The following RNF216 variants were observed in gnomAD, a reference collection of about 807,000 sequenced individuals.
The protein encoded by RNF216 is E3 ubiquitin-protein ligase RNF216.
RNF216 carries 72 observed loss-of-function variants against 110.8 expected under a neutral mutation model. The observed-to-expected ratio is 0.65, with a 90% confidence interval of 0.54 to 0.79. The LOEUF is 0.79. Among genes scored for constraint, RNF216 ranks in the 30% least tolerant of loss-of-function variants. The probability of loss-of-function intolerance (pLI) is 0.00; values close to 1 mark genes in which losing one functional copy is unlikely to be tolerated. For missense variants in RNF216, 1,342 were observed against 1,141.2 expected (o/e 1.18, Z -2.54); for synonymous variants, 495 against 407.5 (o/e 1.21, Z -2.59).
In RNF216 at chr7:5,680,983, C is replaced by A. The variant is rs1311312941; in HGVS notation, c.2062-28473G>T. Among the ~76,000 whole-genome samples the A allele has an allele frequency of 1.3e-5, 2 of 152,192 alleles. No individual in the cohort carries two copies. Among genetic ancestry groups the A allele is most frequent in the Non-Finnish European group, 2.9e-5 (2 of 68,026 alleles). The stretch of plus-strand genomic sequence containing the variant: ...GGGCCATGGCGGAGAGCCTGGACTT[C>A]AGGCCATCCCACCCCTCACTCCCTC... On this transcript the variant is annotated intron_variant, in intron 13 of 16. Coordinates refer to ENST00000389902, the MANE Select transcript of RNF216 (RefSeq NM_207111.4). This position sits in a 1 kb window ranked among gnomAD's most constrained non-coding sequence, Gnocchi z 4.3.
Position 5,624,174 on chromosome 7 carries a change from T to C in RNF216, c.2383-49A>G. 2 of 1,519,778 alleles carry C rather than the reference T, an allele frequency of 1.3e-6. No individual in the cohort carries two copies. The highest frequency in any genetic ancestry group is 1.8e-6 in the Non-Finnish European group (2 of 1,102,916). 94.1% of individuals were successfully genotyped at this position (1,519,778 alleles called of 1,614,324 possible). ...ATGAACCTGTAGCTTCATGCAGTGCTGAGGCCCCGTGGGACAGTGAGGAGG... is the reference window on the plus strand; with the variant it reads ...ATGAACCTGTAGCTTCATGCAGTGCCGAGGCCCCGTGGGACAGTGAGGAGG... On this transcript the variant is annotated intron_variant, in intron 15 of 16. Transcript: ENST00000389902. This position sits in a 1 kb window ranked among gnomAD's most constrained non-coding sequence, Gnocchi z 4.4.
chr7:5,722,864 C>T (rs550945064), intron 8 of RNF216, among the ~76,000 whole-genome samples: 666 of 151,896 alleles, frequency 4.4e-3, no homozygotes, highest in Non-Finnish European at 7.4e-3. Context: ...GGCATGATGG[C>T]GCACACCTGT....
intron 1 of RNF216, among the ~76,000 whole-genome samples, chr7:5,773,749 G>T (rs2128682691): frequency 6.6e-6 from 1 of 152,146 alleles, no homozygotes; most frequent in Non-Finnish European, 1.5e-5. Context: ...TGTATTTTTA[G>T]TAGAGAAGTG....
At chr7:5,675,706 T>C (rs1790239510) in intron 13 of RNF216, among the ~76,000 whole-genome samples, 1 of 147,790 alleles carries the variant, frequency 6.8e-6, no homozygotes, top group Admixed American at 6.6e-5. Context: ...GCTAACTCTA[T>C]TCAAATTCTT....
intron 8 of RNF216, among the ~76,000 whole-genome samples, chr7:5,723,033 C>T (rs576428558): frequency 3.9e-5 from 6 of 152,266 alleles, no homozygotes; most frequent in African/African-American, 1.2e-4. Context: ...AGCTTTGAAG[C>T]CAGATTCCCA....
chr7:5,764,095 G>A (rs28590038), intron 1 of RNF216, among the ~76,000 whole-genome samples: 9,283 of 152,004 alleles, frequency 0.061, 948 homozygotes, highest in African/African-American at 0.21. Context: ...GGAGGCTGAG[G>A]CAGGAGAATT....
At chr7:5,652,199 G>GC (rs1240821286) in intron 14 of RNF216, among the ~76,000 whole-genome samples, 1 of 152,138 alleles carries the variant, frequency 6.6e-6, no homozygotes, top group African/African-American at 2.4e-5. Flanking sequence ...CAGGTGCCAG[G>GC]CATTTATATG....
chr7:5,744,402 C>G (rs1016978007), intron 3 of RNF216, among the ~76,000 whole-genome samples: 3 of 151,926 alleles, frequency 2.0e-5, no homozygotes, highest in African/African-American at 7.3e-5. Context: ...AAACACATAA[C>G]TGGAGTTGTA....
intron 7 of RNF216, among the ~76,000 whole-genome samples, chr7:5,727,441 G>A (rs2128641320): frequency 6.6e-6 from 1 of 152,290 alleles, no homozygotes; most frequent in East Asian, 1.9e-4. Flanking sequence ...ACTCTTAGCA[G>A]CATTTAATAA....
At chr7:5,749,297 C>T (rs1158967255) in intron 3 of RNF216, among the ~76,000 whole-genome samples, 3 of 151,924 alleles carry the variant, frequency 2.0e-5, no homozygotes, top group East Asian at 1.9e-4. Flanking sequence ...ATTACAGGCA[C>T]GTGCCACCAT....
chr7:5,633,168 G>A (rs577944506), intron 15 of RNF216, among the ~76,000 whole-genome samples: 5 of 151,942 alleles, frequency 3.3e-5, no homozygotes, highest in Admixed American at 1.3e-4. Context: ...TAGTAGAGAC[G>A]GGGTTTCACC....
At chr7:5,632,186 G>T (rs1007406681) in intron 15 of RNF216, among the ~76,000 whole-genome samples, 1 of 152,210 alleles carries the variant, frequency 6.6e-6, no homozygotes, top group Non-Finnish European at 1.5e-5. Flanking sequence ...CATGCCATTT[G>T]CCCTGGCCAG....
intron 13 of RNF216, among the ~76,000 whole-genome samples, chr7:5,699,369 C>G (rs1212090529): frequency 2.0e-5 from 3 of 152,222 alleles, no homozygotes; most frequent in Non-Finnish European, 4.4e-5. Flanking sequence ...CTGTCACTTA[C>G]TAGCTGTGTG....
chr7:5,698,908 C>A (rs1791798957), intron 13 of RNF216, among the ~76,000 whole-genome samples: 1 of 152,150 alleles, frequency 6.6e-6, no homozygotes, highest in Non-Finnish European at 1.5e-5. Context: ...ACTGAACAAG[C>A]CACAAAACAG....
intron 13 of RNF216, among the ~76,000 whole-genome samples, chr7:5,675,174 G>T (rs1292181693): frequency 2.0e-5 from 3 of 152,162 alleles, no homozygotes; most frequent in Non-Finnish European, 4.4e-5. Context: ...CTCAAATAAG[G>T]TACCAACTAC....
In RNF216 at chr7:5,680,994, A is replaced by ACC. The variant is rs924313107; in HGVS notation, c.2062-28486_2062-28485dup. ...GAGAGCCTGGACTTCAGGCCATCCC[A>ACC]CCCCTCACTCCCTCTCATGCTGCTG... On this transcript the variant is annotated intron_variant, in intron 13 of 16. Coordinates refer to ENST00000389902, the MANE Select transcript of RNF216 (RefSeq NM_207111.4). The surrounding 1 kb of genome is among the most constrained non-coding windows in gnomAD (Gnocchi z 4.3). Among the ~76,000 whole-genome samples the ACC allele has an allele frequency of 4.0e-5, 6 of 150,738 alleles. No homozygotes were observed. Among genetic ancestry groups the ACC allele is most frequent in the Non-Finnish European group, 7.4e-5 (5 of 67,644 alleles).
In RNF216 at chr7:5,620,902, C is replaced by T. The variant is rs1405831904; in HGVS notation, c.*1958G>A. On this transcript the variant is annotated 3_prime_UTR_variant, in exon 17 of 17. Coordinates refer to ENST00000389902, the MANE Select transcript of RNF216 (RefSeq NM_207111.4). ...TGATGTCTACAGCCGCCCTCTGCTC[C>T]CAGAGATCCTCCCTGGGGAAGCACA... The T allele has an allele frequency of 6.6e-6, 1 of 152,286 alleles. No individual in the cohort carries two copies. The highest frequency in any genetic ancestry group is 1.5e-5 in the Non-Finnish European group (1 of 68,082). 9.4% of individuals were successfully genotyped at this position (152,286 alleles called of 1,614,324 possible).
chr7:5,756,227 T>C (rs1795634852), intron 2 of RNF216, among the ~76,000 whole-genome samples: 1 of 152,194 alleles, frequency 6.6e-6, no homozygotes, highest in African/African-American at 2.4e-5. Flanking sequence ...CCTTTCGCCA[T>C]GACAGTAATT....
At chr7:5,710,621 G>A (rs1216413518) in intron 13 of RNF216, among the ~76,000 whole-genome samples, 1 of 152,186 alleles carries the variant, frequency 6.6e-6, no homozygotes, top group African/African-American at 2.4e-5. Context: ...TCAGGACAGT[G>A]TGCTGCATGG....
Sources: gnomAD v4.1 joint callset for allele counts (sites outside exome capture counted in the v4.1 genomes callset) on GRCh38, gnomAD v4.1.1 for gene constraint, Gnocchi (gnomAD v3.1) non-coding constraint, MANE v1.5 for transcripts, NCBI Gene and HGNC (gene_info 2026-07-23, HGNC 2026-07-21) for gene names.